The following ZBTB20 variants were observed in gnomAD, a reference collection of about 807,000 sequenced individuals.
ZBTB20 encodes the protein zinc finger and BTB domain containing 20, also known as zinc finger and BTB domain-containing protein 20.
ZBTB20 carries 9 observed loss-of-function variants against 56.9 expected under a neutral mutation model. The ratio of observed to expected loss-of-function variants is 0.16; its 90% CI spans 0.10 to 0.28. The LOEUF is 0.28. Ranked by LOEUF, ZBTB20 falls within the 10% of genes least tolerant of loss-of-function variation. The pLI is 1.00. For missense variants in ZBTB20, 655 were observed against 1,003.0 expected (o/e 0.65, Z 4.69); for synonymous variants, 417 against 420.7 (o/e 0.99, Z 0.11).
intron 5 of ZBTB20, among the ~76,000 whole-genome samples, chr3:114,785,211 T>C (rs2070395936): frequency 6.6e-6 from 1 of 152,190 alleles, no homozygotes; most frequent in Admixed American, 6.5e-5. Context: ...CCAAAAAGGA[T>C]AAAATCTTAA....
chr3:114,921,200 G>A (rs191811057), intron 3 of ZBTB20, among the ~76,000 whole-genome samples: 1 of 152,142 alleles, frequency 6.6e-6, no homozygotes, highest in African/African-American at 2.4e-5. Context: ...TTGGCTCACT[G>A]CAACCTCCAT....
intron 6 of ZBTB20, among the ~76,000 whole-genome samples, chr3:114,517,497 G>A (rs1226590503): frequency 2.0e-5 from 3 of 152,046 alleles, no homozygotes; most frequent in South Asian, 2.1e-4. Context: ...TAAACCACAG[G>A]CAGTGTGCAG....
chr3:114,388,820 G>A (rs2085466138), intron 8 of ZBTB20, 185 bp downstream of exon 8: 1 of 152,290 alleles, frequency 6.6e-6, no homozygotes, highest in Admixed American at 6.5e-5. Context: ...AATGCACATG[G>A]TGTGCACTGC....
intron 6 of ZBTB20, among the ~76,000 whole-genome samples, chr3:114,632,566 A>C (rs1451367720): frequency 6.6e-6 from 1 of 152,096 alleles, no homozygotes; most frequent in African/African-American, 2.4e-5. Context: ...TCTGCATTTG[A>C]TTACAGCATT....
At chr3:114,852,186 T>C (rs1361074318) in intron 4 of ZBTB20, among the ~76,000 whole-genome samples, 1 of 152,062 alleles carries the variant, frequency 6.6e-6, no homozygotes, top group Non-Finnish European at 1.5e-5. Context: ...CAGACAATTT[T>C]ATTTCTCCTT....
rs990978832 is a variant in ZBTB20 at position 114,325,843 on chromosome 3, G to A, written c.*13162C>T. 3 of 152,164 alleles carry A rather than the reference G, an allele frequency of 2.0e-5. No individual in the cohort carries two copies. Among genetic ancestry groups the A allele is most frequent in the Non-Finnish European group, 4.4e-5 (3 of 68,020 alleles). The allele number at this position is 152,164 out of a possible 1,614,324, so 9.4% of individuals were successfully genotyped here. A position where few individuals can be genotyped will look rare whatever the true frequency, so the allele number is the denominator to read the frequency against. ...AATCGAGTTGAGTTGAAAACAGTAT[G>A]CTTTCAAATGAAGTACTACAATTTC... On this transcript the variant is annotated 3_prime_UTR_variant, in exon 12 of 12. Coordinates refer to ENST00000675478, the MANE Select transcript of ZBTB20 (RefSeq NM_001348800.3).
chr3:114,542,078 C>A (rs1015409433), intron 6 of ZBTB20, among the ~76,000 whole-genome samples: 1 of 151,960 alleles, frequency 6.6e-6, no homozygotes, highest in Non-Finnish European at 1.5e-5. Context: ...TTGAAAGATA[C>A]CTAGAATTAT....
chr3:114,965,133 C>A (rs1487246551), intron 3 of ZBTB20, among the ~76,000 whole-genome samples: 1 of 152,104 alleles, frequency 6.6e-6, no homozygotes, highest in Non-Finnish European at 1.5e-5. Context: ...ATATAAAAAT[C>A]TGTTTATAAT....
At chr3:114,601,787 A>G (rs898209188) in intron 6 of ZBTB20, among the ~76,000 whole-genome samples, 3 of 152,014 alleles carry the variant, frequency 2.0e-5, no homozygotes, top group African/African-American at 7.2e-5. Flanking sequence ...ATGAACAAAA[A>G]GGTCATCACA....
chr3:114,803,697 A>G (rs1294038648), intron 4 of ZBTB20, among the ~76,000 whole-genome samples: 1 of 151,812 alleles, frequency 6.6e-6, no homozygotes, highest in East Asian at 1.9e-4. Flanking sequence ...AAATATTCTG[A>G]GGGAATGTCA....
At chr3:114,977,330 C>G (rs1313386015) in intron 2 of ZBTB20, among the ~76,000 whole-genome samples, 1 of 152,066 alleles carries the variant, frequency 6.6e-6, no homozygotes, top group Non-Finnish European at 1.5e-5. Flanking sequence ...AAAGCTAGCT[C>G]AAAACAATAA....
chr3:114,928,763 G>A (rs2076250403), intron 3 of ZBTB20, among the ~76,000 whole-genome samples: 1 of 152,198 alleles, frequency 6.6e-6, no homozygotes, highest in Admixed American at 6.5e-5. Flanking sequence ...TAAGCAATGA[G>A]AAATGTGCTG....
chr3:114,925,492 G>A (rs2076121263), intron 3 of ZBTB20, among the ~76,000 whole-genome samples: 1 of 152,016 alleles, frequency 6.6e-6, no homozygotes, highest in African/African-American at 2.4e-5. Flanking sequence ...CTGGGTTGAA[G>A]TAATTATGGG....
intron 2 of ZBTB20, among the ~76,000 whole-genome samples, chr3:115,061,556 A>G (rs2082012195): frequency 6.6e-6 from 1 of 152,186 alleles, no homozygotes; most frequent in African/African-American, 2.4e-5. Context: ...AGAAAAATAT[A>G]GGCAAAATAT....
intron 6 of ZBTB20, among the ~76,000 whole-genome samples, chr3:114,628,500 A>G (rs2058762308): frequency 6.6e-6 from 1 of 152,116 alleles, no homozygotes; most frequent in South Asian, 2.1e-4. Context: ...CTACTTTTCC[A>G]ATCAATCCCA....
At chr3:114,915,802 A>G (rs1031452024) in intron 3 of ZBTB20, among the ~76,000 whole-genome samples, 1 of 151,958 alleles carries the variant, frequency 6.6e-6, no homozygotes, top group African/African-American at 2.4e-5. Context: ...TTTCCTTCAT[A>G]ATTTCTTCAT....
At chr3:114,660,783 G>A (rs1489281717) in intron 6 of ZBTB20, among the ~76,000 whole-genome samples, 1 of 151,772 alleles carries the variant, frequency 6.6e-6, no homozygotes, top group Non-Finnish European at 1.5e-5. Context: ...TTTTTCAATA[G>A]TACCCTCTTC....
At chr3:114,479,962 C>T (rs2041341682) in intron 7 of ZBTB20, among the ~76,000 whole-genome samples, 1 of 152,226 alleles carries the variant, frequency 6.6e-6, no homozygotes, top group Admixed American at 6.5e-5. Flanking sequence ...CATTTCTAGA[C>T]CTTGATGGTA....
At chr3:114,717,576 A>G (rs1014234027) in intron 5 of ZBTB20, among the ~76,000 whole-genome samples, 3 of 152,154 alleles carry the variant, frequency 2.0e-5, no homozygotes, top group African/African-American at 4.8e-5. Context: ...AAAAACAGAA[A>G]CAAAACCTAC....
Sources: allele counts gnomAD v4.1 joint callset (sites outside exome capture counted in the v4.1 genomes callset), GRCh38; gene constraint gnomAD v4.1.1; transcripts MANE v1.5; gene names NCBI Gene and HGNC (gene_info 2026-07-23, HGNC 2026-07-21).